The following MIPOL1 variants were observed in gnomAD, a reference collection of about 807,000 sequenced individuals.
MIPOL1 encodes the protein mirror-image polydactyly gene 1 protein.
MIPOL1 carries 57 observed loss-of-function variants against 60.9 expected under a neutral mutation model. That is an observed-to-expected ratio of 0.94 (90% CI 0.76 to 1.17). MIPOL1 has a LOEUF of 1.17. Ranked by LOEUF, MIPOL1 falls within the 50% of genes most tolerant of loss-of-function variation. The probability of loss-of-function intolerance (pLI) is 0.00; values close to 1 mark genes in which losing one functional copy is unlikely to be tolerated. For synonymous variants in MIPOL1, 179 were observed against 168.8 expected, an observed-to-expected ratio of 1.06 and a Z score of -0.47; for missense variants, 551 against 511.6, an observed-to-expected ratio of 1.08 and a Z score of -0.74.
intron 6 of MIPOL1, among the ~76,000 whole-genome samples, chr14:37,282,154 G>A (rs915821790): frequency 6.6e-6 from 1 of 151,888 alleles, no homozygotes; most frequent in Non-Finnish European, 1.5e-5. Flanking sequence ...TTTTTCTGAA[G>A]TTTATTTTGT....
At chr14:37,381,879 T>G (rs994494434) in intron 10 of MIPOL1, among the ~76,000 whole-genome samples, 4 of 152,008 alleles carry the variant, frequency 2.6e-5, no homozygotes, top group African/African-American at 9.7e-5. Flanking sequence ...TATGAGCCAC[T>G]GTGCTTGACC....
At chr14:37,282,747 CAAAAAAAAAAAA>C (rs59301708) in intron 6 of MIPOL1, among the ~76,000 whole-genome samples, 2 of 67,898 alleles carry the variant, frequency 2.9e-5, no homozygotes, top group African/African-American at 6.2e-5. Flanking sequence ...GACCCTGTCT[CAAAAAAAAAAAA>C]AAAAAAAAAA....
In MIPOL1 at chr14:37,266,983, A is replaced by G; in HGVS notation, c.65A>G (p.Lys22Arg). 6.2e-7 allele frequency: 1 copy of G among 1,613,660 alleles called. No homozygotes were observed. Among genetic ancestry groups the G allele is most frequent in the Non-Finnish European group, 8.5e-7 (1 of 1,179,754 alleles). ...GAACAAGAAACTACGGGGATAAATA[A>G]AAGTACGCAGCCAGATGAGCAACTG... ...YLEQETTGIN[K>R]STQPDEQLTM... The change falls in exon 4 of 13, where the codon AAA becomes AGA. Residue 22 changes from lysine (K) to arginine (R), a missense_variant. By Grantham distance (26) the Lys-to-Arg change is conservative. Coordinates refer to ENST00000684589, the MANE Select transcript of MIPOL1 (RefSeq NM_001388067.1).
At chr14:37,402,730 A>G (rs944970534) in intron 10 of MIPOL1, among the ~76,000 whole-genome samples, 3 of 152,246 alleles carry the variant, frequency 2.0e-5, no homozygotes, top group African/African-American at 7.2e-5. Context: ...TGTAGCAATC[A>G]GATGTTCATT....
At chr14:37,479,885 T>TCC (rs2094835417) in intron 11 of MIPOL1, among the ~76,000 whole-genome samples, 1 of 151,884 alleles carries the variant, frequency 6.6e-6, no homozygotes, top group Admixed American at 6.6e-5. Flanking sequence ...AAATACAAAG[T>TCC]AACATAAGGG....
chr14:37,349,088 A>G (rs1052823478), intron 9 of MIPOL1, among the ~76,000 whole-genome samples: 24 of 144,836 alleles, frequency 1.7e-4, no homozygotes, highest in African/African-American at 6.1e-4. Context: ...TCCCAGGTTC[A>G]AGCGATTCTC....
intron 9 of MIPOL1, among the ~76,000 whole-genome samples, chr14:37,331,280 T>C (rs1050335368): frequency 2.0e-5 from 3 of 152,156 alleles, no homozygotes; most frequent in Non-Finnish European, 4.4e-5. Flanking sequence ...TTATTTTTTA[T>C]GTTTCTGTGA....
chr14:37,452,523 G>A (rs1161300460), intron 11 of MIPOL1, among the ~76,000 whole-genome samples: 1 of 152,126 alleles, frequency 6.6e-6, no homozygotes, highest in Non-Finnish European at 1.5e-5. Context: ...TGTAGGTGGG[G>A]CAGCTGTACT....
At chr14:37,482,641 A>C (rs1036062143) in intron 11 of MIPOL1, among the ~76,000 whole-genome samples, 1 of 152,206 alleles carries the variant, frequency 6.6e-6, no homozygotes, top group African/African-American at 2.4e-5. Flanking sequence ...TTCACTCACT[A>C]TCATGAGAAC....
At chr14:37,277,241 G>A (rs758180170) in intron 6 of MIPOL1, 1 of 151,056 alleles carries the variant, frequency 6.6e-6, no homozygotes, top group African/African-American at 2.4e-5. Flanking sequence ...TTTTTCACAC[G>A]TCTAATGATT....
intron 12 of MIPOL1, among the ~76,000 whole-genome samples, chr14:37,512,177 A>ACG (rs1053549054): frequency 7.2e-5 from 11 of 151,838 alleles, no homozygotes; most frequent in Non-Finnish European, 1.5e-4. Context: ...ACACACACAC[A>ACG]CACACAGCTG....
chr14:37,486,903 G>C (rs1346214726), intron 11 of MIPOL1, among the ~76,000 whole-genome samples: 1 of 152,126 alleles, frequency 6.6e-6, no homozygotes, highest in South Asian at 2.1e-4. Context: ...GGGCATCCTT[G>C]TCTTGTGCCA....
chr14:37,415,679 C>G (rs903735502), intron 10 of MIPOL1, among the ~76,000 whole-genome samples: 1 of 151,060 alleles, frequency 6.6e-6, no homozygotes, highest in Non-Finnish European at 1.5e-5. Flanking sequence ...CAAATTTTGT[C>G]TAGTATTTAT....
At chr14:37,486,778 C>A (rs190475936) in intron 11 of MIPOL1, among the ~76,000 whole-genome samples, 22 of 152,260 alleles carry the variant, frequency 1.4e-4, no homozygotes, top group Non-Finnish European at 2.9e-4. Flanking sequence ...TGCAAACAGA[C>A]AATTTGACTT....
chr14:37,245,148 A>G (rs17106512), intron 1 of MIPOL1, among the ~76,000 whole-genome samples: 5,507 of 152,206 alleles, frequency 0.036, 233 homozygotes, highest in East Asian at 0.24. Context: ...ATGACAGACT[A>G]TGGGGCCTAA....
At position 37,369,512 on chromosome 14, in the gene MIPOL1, G is replaced by T; in HGVS notation, c.829-5G>T. 1 of 1,606,004 alleles carries T rather than the reference G, an allele frequency of 6.2e-7. No individual in the cohort carries two copies. The highest frequency in any genetic ancestry group is 1.1e-5 in the South Asian group (1 of 90,410). Reference sequence around the variant, plus strand: ...TTACTTAATGGGATTCTTCCCCTGTGGCAGTGCAAACGGTTAGAGCAGGAG... The same window carrying T: ...TTACTTAATGGGATTCTTCCCCTGTTGCAGTGCAAACGGTTAGAGCAGGAG... On this transcript the variant is annotated splice_region_variant and splice_polypyrimidine_tract_variant and intron_variant, in intron 9 of 12. Coordinates refer to ENST00000684589, the MANE Select transcript of MIPOL1 (RefSeq NM_001388067.1).
chr14:37,470,917 A>C (rs2094679902), intron 11 of MIPOL1, among the ~76,000 whole-genome samples: 1 of 152,174 alleles, frequency 6.6e-6, no homozygotes, highest in Non-Finnish European at 1.5e-5. Flanking sequence ...TGCAAAAGAG[A>C]GTAATAGACA....
At chr14:37,358,685 C>T (rs2092017131) in intron 9 of MIPOL1, among the ~76,000 whole-genome samples, 2 of 150,678 alleles carry the variant, frequency 1.3e-5, no homozygotes, top group South Asian at 4.2e-4. Flanking sequence ...CACGGGGTTG[C>T]CTTTTTCTTG....
intron 11 of MIPOL1, among the ~76,000 whole-genome samples, chr14:37,453,172 A>T (rs2094441088): frequency 6.6e-6 from 1 of 152,162 alleles, no homozygotes; most frequent in South Asian, 2.1e-4. Flanking sequence ...TTTCTTAGGC[A>T]TATGATAGGC....
Sources: gnomAD v4.1 joint callset for allele counts (sites outside exome capture counted in the v4.1 genomes callset) on GRCh38, gnomAD v4.1.1 for gene constraint, MANE v1.5 for transcripts, NCBI Gene and HGNC (gene_info 2026-07-23, HGNC 2026-07-21) for gene names.